The following GTF2IRD1 variants were observed in gnomAD, a reference collection of about 807,000 sequenced individuals.
GTF2IRD1 encodes general transcription factor II-I repeat domain-containing protein 1.
GTF2IRD1 carries 26 observed loss-of-function variants against 113.2 expected under a neutral mutation model. That is an observed-to-expected ratio of 0.23 (90% confidence interval 0.17 to 0.32). The LOEUF (loss-of-function observed/expected upper bound fraction) is 0.32. Ranked by LOEUF, GTF2IRD1 falls within the 10% of genes least tolerant of loss-of-function variation. GTF2IRD1 has a pLI of 1.00. For synonymous variants in GTF2IRD1, 484 were observed against 529.1 expected (o/e 0.91, Z 1.17); for missense variants, 864 against 1,280.8 (o/e 0.67, Z 4.97).
At chr7:74,501,880 G>T (rs1315521421) in intron 1 of GTF2IRD1, among the ~76,000 whole-genome samples, 1 of 152,094 alleles carries the variant, frequency 6.6e-6, no homozygotes, top group African/African-American at 2.4e-5. Context: ...TTGAACTCTT[G>T]ACCTCAAGTG....
intron 1 of GTF2IRD1, among the ~76,000 whole-genome samples, chr7:74,495,684 CAG>C (rs2129692803): frequency 6.6e-6 from 1 of 152,210 alleles, no homozygotes; most frequent in African/African-American, 2.4e-5. Flanking sequence ...AGGGGCACAA[CAG>C]GAGGTGTTGA....
chr7:74,524,481 T>G (rs1176676735), intron 8 of GTF2IRD1, among the ~76,000 whole-genome samples: 1 of 152,112 alleles, frequency 6.6e-6, no homozygotes, highest in Non-Finnish European at 1.5e-5. Flanking sequence ...TCCCAGCACT[T>G]TGGGAGGCCA....
intron 1 of GTF2IRD1, among the ~76,000 whole-genome samples, chr7:74,467,833 A>T (rs1181421320): frequency 7.9e-5 from 12 of 152,118 alleles, no homozygotes; most frequent in African/African-American, 2.7e-4. Context: ...AGCTGGGATT[A>T]CAGGCGCCCG....
intron 7 of GTF2IRD1, 112 bp downstream of exon 7, chr7:74,521,409 A>G: frequency 1.4e-6 from 1 of 723,750 alleles, no homozygotes; most frequent in South Asian, 1.5e-5. Flanking sequence ...AAGGAGGAAC[A>G]GCTCTGCTCA....
At chr7:74,509,097 A>T (rs1274866322) in intron 2 of GTF2IRD1, among the ~76,000 whole-genome samples, 1 of 151,972 alleles carries the variant, frequency 6.6e-6, no homozygotes, top group Non-Finnish European at 1.5e-5. Context: ...TGGCTCACGC[A>T]AGTAATCCCA....
chr7:74,484,326 G>A (rs1434181398), intron 1 of GTF2IRD1, among the ~76,000 whole-genome samples: 1 of 152,106 alleles, frequency 6.6e-6, no homozygotes, highest in Non-Finnish European at 1.5e-5. Context: ...CTGTCACCCA[G>A]GCTGGAGTGC....
intron 1 of GTF2IRD1, among the ~76,000 whole-genome samples, chr7:74,493,697 C>T (rs1795493302): frequency 6.6e-6 from 1 of 152,074 alleles, no homozygotes; most frequent in African/African-American, 2.4e-5. Context: ...GCTGACCCAC[C>T]TCGGCTCTGT....
intron 22 of GTF2IRD1, among the ~76,000 whole-genome samples, chr7:74,570,663 A>G (rs1800648255): frequency 6.6e-6 from 1 of 152,184 alleles, no homozygotes; most frequent in Admixed American, 6.5e-5. Flanking sequence ...TTCAAAAAAA[A>G]ATTCTAGAAT....
intron 11 of GTF2IRD1, among the ~76,000 whole-genome samples, chr7:74,537,025 T>C (rs1323906671): frequency 6.6e-6 from 1 of 151,942 alleles, no homozygotes; most frequent in African/African-American, 2.4e-5. Context: ...ATGGGAGGAT[T>C]GCTTGAGCCT....
chr7:74,532,559 A>G (rs1205128358), intron 9 of GTF2IRD1, among the ~76,000 whole-genome samples: 1 of 152,138 alleles, frequency 6.6e-6, no homozygotes, highest in Non-Finnish European at 1.5e-5. Flanking sequence ...ATCTCTGAAA[A>G]CAATAATAAA....
intron 8 of GTF2IRD1, among the ~76,000 whole-genome samples, chr7:74,525,362 C>T (rs782734340): frequency 4.1e-4 from 63 of 152,120 alleles, no homozygotes; most frequent in Non-Finnish European, 6.9e-4. Context: ...CCGCTGTCTC[C>T]CTGAGGGCCA....
chr7:74,473,421 C>T (rs1794220193), intron 1 of GTF2IRD1, among the ~76,000 whole-genome samples: 1 of 151,102 alleles, frequency 6.6e-6, no homozygotes. Context: ...ATGGTGGCAG[C>T]TCAGGGCTTT....
Position 74,558,966 on chromosome 7 carries a change from G to A in GTF2IRD1, c.2213G>A (p.Arg738Gln). 4 of 1,614,122 alleles carry A rather than the reference G, an allele frequency of 2.5e-6. No homozygotes were observed. The highest frequency in any genetic ancestry group is 3.4e-6 in the Non-Finnish European group (4 of 1,180,018). Residue 738 changes from arginine to glutamine, a missense_variant, in exon 21 of 27, where the codon CGA (arginine) becomes CAA (glutamine). Arg to Gln is a conservative substitution (Grantham distance 43, BLOSUM62 1). Around this residue, in one of 7 missense-constraint regions of GTF2IRD1, gnomAD observed 195 missense variants for 359.1 expected, o/e 0.54. Coordinates refer to ENST00000424337, the MANE Select transcript of GTF2IRD1 (RefSeq NM_005685.4). Reference protein sequence around the residue: ...IEGLPPGIPFRKPCTFGSQNL... With the variant: ...IEGLPPGIPFQKPCTFGSQNL... ...GGGCTGCCCCCAGGAATCCCGTTCC[G>A]AAAGCCCTGTACCTTCGGCTCCCAG...
Position 74,555,144 on chromosome 7 carries a change from C to T in GTF2IRD1, c.1917-30C>T. The T allele has an allele frequency of 6.2e-7, 1 of 1,609,754 alleles. No individual in the cohort carries two copies. Among genetic ancestry groups the T allele is most frequent in the Non-Finnish European group, 8.5e-7 (1 of 1,177,252 alleles). ...CAGTCCCAGAGATGCTTGGAGGGAC[C>T]TCTGTGATAGCCTCGCTTGTGTTTT... On this transcript the variant is annotated intron_variant, in intron 17 of 26. Transcript: ENST00000424337. The surrounding 1 kb of genome is among the most constrained non-coding windows in gnomAD (Gnocchi z 5.3).
chr7:74,508,761 AC>A (rs1796448640), intron 2 of GTF2IRD1, among the ~76,000 whole-genome samples: 1 of 150,124 alleles, frequency 6.7e-6, no homozygotes, highest in African/African-American at 2.5e-5. Flanking sequence ...TTGTCCCTTC[AC>A]CCCTCTTGCC....
rs587701351 is a variant in GTF2IRD1, at chr7:74,595,250, G to A, written c.2629+199G>A. Among the ~76,000 whole-genome samples the A allele has an allele frequency of 2.6e-5, 4 of 151,546 alleles. No homozygotes were observed. In the South Asian group the frequency reaches 8.4e-4, roughly 32 times the overall value. On this transcript the variant is annotated intron_variant, in intron 25 of 26. Transcript: ENST00000424337. ...GTGAAACCCCGTCTCTACTAAAAAT[G>A]CAACAATTAGCTGGGCGTGGTCGTG...
At chr7:74,479,116 G>T (rs1458087917) in intron 1 of GTF2IRD1, among the ~76,000 whole-genome samples, 1 of 151,972 alleles carries the variant, frequency 6.6e-6, no homozygotes, top group Admixed American at 6.6e-5. Context: ...CTGGGCTGTC[G>T]CAGAGACTTG....
At chr7:74,579,061 C>T (rs1801254219) in intron 22 of GTF2IRD1, among the ~76,000 whole-genome samples, 1 of 151,814 alleles carries the variant, frequency 6.6e-6, no homozygotes, top group Non-Finnish European at 1.5e-5. Flanking sequence ...GTGACTCGCC[C>T]CTGTAATCCC....
At chr7:74,540,880 T>C (rs1175577612) in intron 14 of GTF2IRD1, among the ~76,000 whole-genome samples, 1 of 151,858 alleles carries the variant, frequency 6.6e-6, no homozygotes, top group African/African-American at 2.4e-5. Flanking sequence ...CTTCAAGCAG[T>C]TCTCCTGAGT....
Sources: gnomAD v4.1 joint callset for allele counts (sites outside exome capture counted in the v4.1 genomes callset) on GRCh38, gnomAD v4.1.1 for gene constraint, gnomAD v4.1.1 regional missense constraint, Gnocchi (gnomAD v3.1) non-coding constraint, MANE v1.5 for transcripts, NCBI Gene and HGNC (gene_info 2026-07-23, HGNC 2026-07-21) for gene names.